Variants in SCYL2 observed in about 807,000 individuals in gnomAD.
SCYL2 encodes SCY1 like pseudokinase 2, also known as SCY1-like protein 2.
A neutral mutation model predicts 100.4 loss-of-function variants in SCYL2; 36 were observed. The observed-to-expected ratio is 0.36, with a 90% CI of 0.27 to 0.47. The LOEUF (loss-of-function observed/expected upper bound fraction) is 0.47. Among genes scored for constraint, SCYL2 ranks in the 20% least tolerant of loss-of-function variants. The pLI, the probability that SCYL2 is intolerant of heterozygous loss-of-function variation, is 1.00. For missense variants in SCYL2, 902 were observed against 1,083.9 expected (o/e 0.83, Z 2.36); for synonymous variants, 330 against 359.2 (o/e 0.92, Z 0.92).
chr12:100,323,064 C>T (rs997454025), intron 10 of SCYL2, among the ~76,000 whole-genome samples: 10 of 150,450 alleles, frequency 6.6e-5, no homozygotes, highest in East Asian at 3.9e-4. Flanking sequence ...ACACTCCTTT[C>T]GGTATGTTGT....
rs1172800891 is a variant in SCYL2 at position 100,329,353 on chromosome 12, C to T, written c.1761+34C>T. ...ATTTTTGTGCTTTATTCATTTTATT[C>T]AGCTTACTTTTTTCTTGGCATTAGA... On this transcript the variant is annotated intron_variant, in intron 13 of 17. Coordinates refer to ENST00000360820, the MANE Select transcript of SCYL2 (RefSeq NM_017988.6). 11 of 1,042,994 alleles carry T rather than the reference C, an allele frequency of 1.1e-5. No homozygotes were observed. The Admixed American group carries it at 1.9e-4, about 18-fold the overall frequency. The allele number at this position is 1,042,994 out of a possible 1,614,324, so 64.6% of individuals were successfully genotyped here. A position where few individuals can be genotyped will look rare whatever the true frequency, so the allele number is the denominator to read the frequency against.
At chr12:100,313,688 A>T in intron 7 of SCYL2, 150 bp downstream of exon 7, 1 of 566,190 alleles carries the variant, frequency 1.8e-6, no homozygotes, top group Non-Finnish European at 3.2e-6. Context: ...ACAGCCCCAA[A>T]TAACATCTGT....
intron 10 of SCYL2, 42 bp from the exon 11 acceptor site, chr12:100,323,483 T>C (rs1356188223): frequency 4.3e-6 from 5 of 1,155,402 alleles, no homozygotes; most frequent in Middle Eastern, 2.2e-4. Context: ...AGAGAAAAGA[T>C]GAGTCTTTCC....
At chr12:100,337,301 T>A in intron 16 of SCYL2, 86 bp from the exon 17 acceptor site, 6 of 1,542,722 alleles carry the variant, frequency 3.9e-6, no homozygotes, top group Non-Finnish European at 5.2e-6. Context: ...AGTAGTAAGA[T>A]GTACTTTACC....
intron 13 of SCYL2, among the ~76,000 whole-genome samples, chr12:100,330,038 C>T (rs957678898): frequency 6.6e-6 from 1 of 152,166 alleles, no homozygotes; most frequent in Non-Finnish European, 1.5e-5. Context: ...GTGCCATAGT[C>T]TGTTGCTTTA....
chr12:100,294,427 G>C (rs1352503970), intron 3 of SCYL2, among the ~76,000 whole-genome samples: 1 of 112,582 alleles, frequency 8.9e-6, no homozygotes, highest in Non-Finnish European at 1.9e-5. Context: ...TGGCCGGGCG[G>C]GGGGGCTCCT....
intron 1 of SCYL2, among the ~76,000 whole-genome samples, chr12:100,274,574 C>A (rs889869461): frequency 3.9e-5 from 6 of 152,150 alleles, no homozygotes; most frequent in African/African-American, 1.4e-4. Context: ...GTGCTTTACT[C>A]TTAAGTGGCT....
intron 3 of SCYL2, among the ~76,000 whole-genome samples, chr12:100,294,679 T>C (rs867328744): frequency 1.1e-5 from 1 of 91,012 alleles, no homozygotes; most frequent in Admixed American, 1.2e-4. Flanking sequence ...CCGGACGGGG[T>C]GGCTGGCCGG....
At chr12:100,273,022 T>C (rs1329695297) in intron 1 of SCYL2, among the ~76,000 whole-genome samples, 2 of 152,184 alleles carry the variant, frequency 1.3e-5, no homozygotes, top group African/African-American at 4.8e-5. Context: ...TATCCCTGAA[T>C]TGCATATTGA....
At chr12:100,334,099 A>G in intron 13 of SCYL2, 67 bp from the exon 14 acceptor site, 1 of 918,118 alleles carries the variant, frequency 1.1e-6, no homozygotes, top group Non-Finnish European at 1.8e-6. Context: ...TTACTGAATT[A>G]TCTTAATTGA....
intron 1 of SCYL2, among the ~76,000 whole-genome samples, chr12:100,268,183 A>G (rs1028481809): frequency 6.6e-5 from 10 of 152,196 alleles, no homozygotes; most frequent in Admixed American, 3.3e-4. Context: ...GGTGTCAACT[A>G]TTTTTTAGTA....
In SCYL2 at chr12:100,291,617, C is replaced by T. The variant is rs1566349647; in HGVS notation, c.292C>T (p.His98Tyr). 2 of 1,600,124 alleles carry T rather than the reference C, an allele frequency of 1.2e-6. No individual in the cohort carries two copies. Among genetic ancestry groups the T allele is most frequent in the East Asian group, 2.3e-5 (1 of 44,254 alleles). Residue 98 changes from histidine (H) to tyrosine (Y), a missense_variant, in exon 3 of 18, where the codon CAC becomes TAC. His to Tyr is a moderately conservative substitution (Grantham distance 83, BLOSUM62 2). Transcript: ENST00000360820. ...RGVQQLTRLR[H>Y]PRLLTVQHPL... Reference sequence around the variant, plus strand: ...AGTCCAACAGTTAACTCGGCTTCGACACCCTCGACTTCTTACTGTCCAGCA... The same window carrying T: ...AGTCCAACAGTTAACTCGGCTTCGATACCCTCGACTTCTTACTGTCCAGCA...
chr12:100,305,670 G>C (rs758070195), intron 4 of SCYL2, among the ~76,000 whole-genome samples: 4 of 143,582 alleles, frequency 2.8e-5, no homozygotes, highest in Non-Finnish European at 6.0e-5. Flanking sequence ...AAAGGAGATA[G>C]AGACATGAAA....
chr12:100,298,740 C>T (rs1263536350), intron 4 of SCYL2, among the ~76,000 whole-genome samples: 1 of 152,108 alleles, frequency 6.6e-6, no homozygotes, highest in East Asian at 1.9e-4. Flanking sequence ...TGCACCACCA[C>T]GCCTAGCTAA....
chr12:100,268,879 A>G (rs758098494), intron 1 of SCYL2, among the ~76,000 whole-genome samples: 4 of 152,094 alleles, frequency 2.6e-5, no homozygotes, highest in Non-Finnish European at 5.9e-5. Flanking sequence ...CGTGCTTCAT[A>G]CTCAGCCTCT....
At position 100,319,848 on chromosome 12, in the gene SCYL2, G is replaced by T. The variant is rs2096353656; in HGVS notation, c.1395+1923G>T. ...ATTAGGAGAATCCTAGAGAAAGCAA[G>T]AAATAAGAAATCTTTTCCTCCAGGT... On this transcript the variant is annotated intron_variant, in intron 10 of 17. Transcript: ENST00000360820. Among the ~76,000 whole-genome samples the T allele has an allele frequency of 2.6e-5, 4 of 152,204 alleles. No homozygotes were observed. In the South Asian group the frequency reaches 8.3e-4, roughly 32 times the overall value.
chr12:100,302,829 A>G (rs1220638058), intron 4 of SCYL2, among the ~76,000 whole-genome samples: 2 of 152,146 alleles, frequency 1.3e-5, no homozygotes, highest in African/African-American at 2.4e-5. Context: ...TCTCCTGGAT[A>G]ATATCCTGAA....
In SCYL2 at chr12:100,339,358, G is replaced by A. The variant is rs2062660034; in HGVS notation, c.*186G>A. ...CTTCTAACCAGTTGAGTTTTTTAAA[G>A]CATTGAGGATTTTTTCCTCTTACCA... On this transcript the variant is annotated 3_prime_UTR_variant, in exon 18 of 18. Transcript: ENST00000360820. 1.7e-6 allele frequency: 1 copy of A among 586,702 alleles called. No homozygotes were observed. The highest frequency in any genetic ancestry group is 1.9e-5 in the African/African-American group (1 of 52,848). The allele number at this position is 586,702 out of a possible 1,614,324, so 36.3% of individuals were successfully genotyped here.
chr12:100,337,592 A>G, intron 17 of SCYL2, 86 bp downstream of exon 17: 5 of 1,234,348 alleles, frequency 4.1e-6, no homozygotes, highest in Non-Finnish European at 5.8e-6. Flanking sequence ...TAGTATTTGT[A>G]TAAAAATATA....
Sources: allele counts gnomAD v4.1 joint callset (sites outside exome capture counted in the v4.1 genomes callset), GRCh38; gene constraint gnomAD v4.1.1; transcripts MANE v1.5; gene names NCBI Gene and HGNC (gene_info 2026-07-23, HGNC 2026-07-21).